KCNIP4: variants seen among roughly 807,000 people sequenced by gnomAD.
The protein encoded by KCNIP4 is potassium voltage-gated channel interacting protein 4.
KCNIP4 carries 12 observed loss-of-function variants against 34.0 expected under a neutral mutation model. That is an observed-to-expected ratio of 0.35 (90% CI 0.23 to 0.57). The LOEUF (loss-of-function observed/expected upper bound fraction) is 0.57, where lower values mean the gene tolerates loss of function less well. KCNIP4 is among the 20% of genes least tolerant of loss of function. The pLI is 0.83. For synonymous variants in KCNIP4, 124 were observed against 102.2 expected (o/e 1.21, Z -1.29); for missense variants, 238 against 311.7 (o/e 0.76, Z 1.78).
intron 1 of KCNIP4, among the ~76,000 whole-genome samples, chr4:21,796,581 G>A (rs1012794688): frequency 2.6e-4 from 39 of 152,158 alleles, no homozygotes; most frequent in African/African-American, 9.4e-4. Context: ...AAGATAATGA[G>A]CCATTTCTTA....
intron 1 of KCNIP4, among the ~76,000 whole-genome samples, chr4:21,068,709 C>A (rs1463428587): frequency 1.3e-5 from 2 of 152,188 alleles, no homozygotes; most frequent in African/African-American, 4.8e-5. Context: ...CTTTCATCAA[C>A]TTTTATCATG....
chr4:20,980,139 G>T (rs539877143), intron 1 of KCNIP4, among the ~76,000 whole-genome samples: 21 of 152,208 alleles, frequency 1.4e-4, no homozygotes, highest in Admixed American at 5.2e-4. Context: ...GCCATGGCCT[G>T]GGCCTATGCC....
At chr4:21,779,038 A>G (rs1455554177) in intron 1 of KCNIP4, among the ~76,000 whole-genome samples, 2 of 152,006 alleles carry the variant, frequency 1.3e-5, no homozygotes, top group African/African-American at 4.8e-5. Context: ...GAGAGAGAAG[A>G]TTATATTCTT....
intron 1 of KCNIP4, among the ~76,000 whole-genome samples, chr4:21,857,989 G>T (rs932192713): frequency 1.3e-5 from 2 of 152,186 alleles, no homozygotes; most frequent in African/African-American, 4.8e-5. Flanking sequence ...TGTACACCTG[G>T]TCCAGCAGCA....
At chr4:21,628,398 G>A (rs954988420) in intron 1 of KCNIP4, among the ~76,000 whole-genome samples, 24 of 152,054 alleles carry the variant, frequency 1.6e-4, no homozygotes, top group Non-Finnish European at 3.4e-4. Context: ...AAGCAAGGCC[G>A]GCTGTTATCC....
intron 1 of KCNIP4, among the ~76,000 whole-genome samples, chr4:21,058,265 G>T (rs1057473183): frequency 6.6e-6 from 1 of 151,668 alleles, no homozygotes; most frequent in East Asian, 1.9e-4. Flanking sequence ...TGGTGGCCAA[G>T]AATAATAGAA....
chr4:21,380,571 T>C (rs1003890223), intron 1 of KCNIP4, among the ~76,000 whole-genome samples: 2 of 152,000 alleles, frequency 1.3e-5, no homozygotes, highest in African/African-American at 4.8e-5. Flanking sequence ...TTGACAGTTA[T>C]TGATGGTTTG....
Position 21,178,752 on chromosome 4 carries a change from TGTG to T in KCNIP4, c.62-296046_62-296044del, listed in dbSNP as rs1445669076. 2.6e-3 allele frequency among the ~76,000 whole-genome samples: 401 copies of T among 152,086 alleles called. 2 individuals carry two copies. The highest frequency in any genetic ancestry group is 8.6e-3 in the African/African-American group (355 of 41,498). ...ATTCTCATCTGAGGACCATATCTCCTGTGTCACTGAGAAAAGGAGTCACCAGAG... is the reference window on the plus strand; with the variant it reads ...ATTCTCATCTGAGGACCATATCTCCTTCACTGAGAAAAGGAGTCACCAGAG... On this transcript the variant is annotated intron_variant, in intron 1 of 8. Transcript: ENST00000382152.
intron 3 of KCNIP4, among the ~76,000 whole-genome samples, chr4:20,766,498 G>A (rs1755430195): frequency 6.6e-6 from 1 of 152,144 alleles, no homozygotes; most frequent in African/African-American, 2.4e-5. Flanking sequence ...TCTGGGAGAT[G>A]GAGGTTGCAG....
intron 1 of KCNIP4, among the ~76,000 whole-genome samples, chr4:21,489,817 T>C (rs1254594619): frequency 6.6e-6 from 1 of 152,138 alleles, no homozygotes; most frequent in African/African-American, 2.4e-5. Context: ...TCCCAAACTG[T>C]TCATAGAATG....
chr4:21,104,786 G>A (rs1262701131), intron 1 of KCNIP4, among the ~76,000 whole-genome samples: 2 of 151,624 alleles, frequency 1.3e-5, no homozygotes, highest in South Asian at 4.1e-4. Context: ...GTGTAAGGAA[G>A]GGATCCAGTT....
chr4:21,659,073 C>T (rs531974973), intron 1 of KCNIP4, among the ~76,000 whole-genome samples: 1 of 152,202 alleles, frequency 6.6e-6, no homozygotes, highest in Admixed American at 6.5e-5. Context: ...AGATCAGCCA[C>T]CTGTAGAAAA....
chr4:20,795,365 C>T (rs1358451032), intron 3 of KCNIP4, among the ~76,000 whole-genome samples: 1 of 152,116 alleles, frequency 6.6e-6, no homozygotes, highest in Non-Finnish European at 1.5e-5. Context: ...TAAAATACAT[C>T]CGAAGCCTAT....
At chr4:20,864,101 T>TATGCATACAC in intron 2 of KCNIP4, among the ~76,000 whole-genome samples, 1 of 125,988 alleles carries the variant, frequency 7.9e-6, no homozygotes, top group African/African-American at 2.7e-5. Context: ...CATGTATACG[T>TATGCATACAC]ATGTATGTAT....
chr4:20,869,562 T>C (rs1160068964), intron 2 of KCNIP4, among the ~76,000 whole-genome samples: 1 of 152,110 alleles, frequency 6.6e-6, no homozygotes, highest in Non-Finnish European at 1.5e-5. Flanking sequence ...TGACAAATTA[T>C]TCAGTTCCTC....
chr4:21,455,837 A>G, intron 1 of KCNIP4, among the ~76,000 whole-genome samples: 1 of 125,212 alleles, frequency 8.0e-6, no homozygotes, highest in African/African-American at 3.5e-5. Context: ...ATATATATAT[A>G]TATATATATA....
intron 1 of KCNIP4, among the ~76,000 whole-genome samples, chr4:21,261,755 T>A (rs960245254): frequency 2.6e-5 from 4 of 152,080 alleles, no homozygotes; most frequent in Non-Finnish European, 4.4e-5. Flanking sequence ...GCCATCAACC[T>A]CTTCCCATCT....
chr4:21,463,190 A>T (rs1729623462), intron 1 of KCNIP4, among the ~76,000 whole-genome samples: 1 of 151,958 alleles, frequency 6.6e-6, no homozygotes, highest in South Asian at 2.1e-4. Context: ...TATCTTTTGT[A>T]TTTTTGATAG....
At chr4:21,661,444 A>G (rs1035469028) in intron 1 of KCNIP4, among the ~76,000 whole-genome samples, 19 of 152,164 alleles carry the variant, frequency 1.2e-4, no homozygotes, top group African/African-American at 4.3e-4. Flanking sequence ...CTGGAGCCCA[A>G]AAGTGCTCAC....
Sources: gnomAD v4.1 joint callset for allele counts (sites outside exome capture counted in the v4.1 genomes callset) on GRCh38, gnomAD v4.1.1 for gene constraint, MANE v1.5 for transcripts, NCBI Gene and HGNC (gene_info 2026-07-23, HGNC 2026-07-21) for gene names.